Variants in KCNMA1 observed in about 807,000 individuals in gnomAD.
KCNMA1 encodes the protein Calcium-activated potassium channel subunit alpha-1.
Under a neutral mutation model 140.0 loss-of-function variants are expected in KCNMA1, and 29 were observed. That is an observed-to-expected ratio of 0.21 (90% CI 0.15 to 0.28). KCNMA1 has a LOEUF of 0.28. KCNMA1 is among the 10% of genes least tolerant of loss of function. KCNMA1 has a pLI of 1.00. For missense variants in KCNMA1, 880 were observed against 1,602.2 expected, an observed-to-expected ratio of 0.55 and a Z score of 7.70; for synonymous variants, 612 against 611.9, an observed-to-expected ratio of 1.00 and a Z score of 0.00.
Position 77,019,096 on chromosome 10 carries a change from T to A in KCNMA1, c.1932A>T (p.Ile644=), listed in dbSNP as rs201298536. 2.0e-5 allele frequency: 30 copies of A among 1,524,240 alleles called. No homozygotes were observed. Among genetic ancestry groups the A allele is most frequent in the Non-Finnish European group, 2.6e-5 (29 of 1,098,534 alleles). The allele number at this position is 1,524,240 out of a possible 1,614,324, so 94.4% of individuals were successfully genotyped here. Residue 644 remains isoleucine, a synonymous_variant, in exon 17 of 28, where the codon ATA becomes ATT. Transcript: ENST00000286628. ...EYKSANRESR[I]LINPGNHLKI... is the part of the protein sequence containing the mutation. Reference sequence around the variant, plus strand: ...TAAGATGGTTTCCAGGATTAATTAATATACTGCTCAGTGAACAAAAACAAA... The same window carrying A: ...TAAGATGGTTTCCAGGATTAATTAAAATACTGCTCAGTGAACAAAAACAAA...
chr10:77,531,852 C>T (rs942216535), intron 1 of KCNMA1, among the ~76,000 whole-genome samples: 1 of 152,242 alleles, frequency 6.6e-6, no homozygotes, highest in African/African-American at 2.4e-5. Flanking sequence ...GGGCACTCAG[C>T]TGTGTCAGTC....
chr10:77,368,963 A>G, intron 2 of KCNMA1, among the ~76,000 whole-genome samples: 1 of 152,248 alleles, frequency 6.6e-6, no homozygotes. Flanking sequence ...AAAATCAGGT[A>G]GGGCGATTGG....
At chr10:77,069,157 G>C (rs1436767873) in intron 14 of KCNMA1, among the ~76,000 whole-genome samples, 1 of 152,178 alleles carries the variant, frequency 6.6e-6, no homozygotes, top group Non-Finnish European at 1.5e-5. Context: ...TCATTGCCTG[G>C]GTCTTTACAG....
chr10:77,204,895 A>G (rs1298463895), intron 3 of KCNMA1, among the ~76,000 whole-genome samples: 1 of 152,184 alleles, frequency 6.6e-6, no homozygotes, highest in Non-Finnish European at 1.5e-5. Context: ...GAACACCACA[A>G]GAAGCTGACT....
intron 2 of KCNMA1, among the ~76,000 whole-genome samples, chr10:77,394,138 G>T (rs1465984380): frequency 6.6e-6 from 1 of 152,246 alleles, no homozygotes; most frequent in African/African-American, 2.4e-5. Context: ...AAACAGCCAT[G>T]CCAGCACTTG....
At chr10:77,327,812 C>G (rs931939238) in intron 2 of KCNMA1, among the ~76,000 whole-genome samples, 8 of 151,964 alleles carry the variant, frequency 5.3e-5, no homozygotes, top group Non-Finnish European at 7.4e-5. Context: ...GACAGACAAA[C>G]CTGGCTTCTC....
At chr10:77,232,847 T>C (rs2054057048) in intron 3 of KCNMA1, among the ~76,000 whole-genome samples, 1 of 152,040 alleles carries the variant, frequency 6.6e-6, no homozygotes, top group Non-Finnish European at 1.5e-5. Flanking sequence ...GAGTCCAATT[T>C]TATTATTTTG....
chr10:77,489,632 C>T (rs1453989076), intron 1 of KCNMA1, among the ~76,000 whole-genome samples: 1 of 152,204 alleles, frequency 6.6e-6, no homozygotes, highest in Non-Finnish European at 1.5e-5. Flanking sequence ...AGCCACCGCG[C>T]CTGGCCTGGA....
At chr10:77,134,479 A>G (rs1023842722) in intron 5 of KCNMA1, among the ~76,000 whole-genome samples, 1 of 151,900 alleles carries the variant, frequency 6.6e-6, no homozygotes, top group Non-Finnish European at 1.5e-5. Context: ...TGGTTCAAAT[A>G]AAAAAAATGT....
chr10:77,439,235 A>G (rs779725179), intron 1 of KCNMA1, among the ~76,000 whole-genome samples: 14 of 152,212 alleles, frequency 9.2e-5, no homozygotes, highest in Non-Finnish European at 1.6e-4. Context: ...CCTGTATCCC[A>G]TCACCTAGAT....
chr10:77,406,065 C>A (rs2096462255), intron 1 of KCNMA1, among the ~76,000 whole-genome samples: 1 of 152,078 alleles, frequency 6.6e-6, no homozygotes, highest in Non-Finnish European at 1.5e-5. Context: ...AAGAGGAGGC[C>A]CAGGAGGGGG....
At chr10:77,233,016 A>G (rs1462730003) in intron 3 of KCNMA1, among the ~76,000 whole-genome samples, 4 of 151,930 alleles carry the variant, frequency 2.6e-5, no homozygotes, top group Middle Eastern at 3.2e-3. Context: ...CCTCTCAAGT[A>G]GCTGGGTTCA....
intron 23 of KCNMA1, among the ~76,000 whole-genome samples, chr10:76,940,995 A>G (rs28700590): frequency 2.5e-3 from 179 of 72,754 alleles, no homozygotes; most frequent in African/African-American, 0.011. Flanking sequence ...GAAAGAGAGA[A>G]AGAAAGGAAG....
chr10:76,946,003 C>T (rs2063838862), intron 22 of KCNMA1, among the ~76,000 whole-genome samples: 2 of 151,984 alleles, frequency 1.3e-5, no homozygotes, highest in South Asian at 4.1e-4. Context: ...ATAACAAGAA[C>T]ATATTTGTAT....
chr10:76,995,224 G>A (rs752685460), intron 19 of KCNMA1: 3 of 162,212 alleles, frequency 1.8e-5, no homozygotes, highest in South Asian at 1.6e-4. Flanking sequence ...ATGCAACTTC[G>A]ACTTAATTAA....
intron 23 of KCNMA1, among the ~76,000 whole-genome samples, chr10:76,921,109 G>C (rs1907734): frequency 0.44 from 67,077 of 151,898 alleles, 16,024 homozygotes; most frequent in East Asian, 0.85. Context: ...CTCCCACCCC[G>C]ATAGACTTAA....
intron 3 of KCNMA1, 63 bp from the exon 4 acceptor site, chr10:77,184,979 C>G: frequency 1.0e-6 from 1 of 966,934 alleles, no homozygotes; most frequent in Non-Finnish European, 1.7e-6. Context: ...CTGTCTCCCA[C>G]GATGCTGAGA....
chr10:77,143,529 G>A (rs2098226471), intron 5 of KCNMA1, among the ~76,000 whole-genome samples: 1 of 152,078 alleles, frequency 6.6e-6, no homozygotes, highest in Non-Finnish European at 1.5e-5. Flanking sequence ...AGGAAAAATG[G>A]ATATCTACAA....
intron 1 of KCNMA1, among the ~76,000 whole-genome samples, chr10:77,590,357 G>A (rs970969491): frequency 6.6e-6 from 1 of 152,220 alleles, no homozygotes; most frequent in African/African-American, 2.4e-5. Context: ...GGAGGCTCGG[G>A]CAGCACAGGA....
Sources: gnomAD v4.1 joint callset for allele counts (sites outside exome capture counted in the v4.1 genomes callset) on GRCh38, gnomAD v4.1.1 for gene constraint, MANE v1.5 for transcripts, NCBI Gene and HGNC (gene_info 2026-07-23, HGNC 2026-07-21) for gene names.